The following PROC variants were observed in gnomAD, a reference collection of about 807,000 sequenced individuals.
The protein encoded by PROC is protein C, inactivator of coagulation factors Va and VIIIa.
In PROC, 22 loss-of-function variants were observed where a neutral mutation model predicts 36.3. The ratio of observed to expected loss-of-function variants is 0.61; its 90% CI spans 0.43 to 0.86. The LOEUF is 0.86. Ranked by LOEUF, PROC falls within the 40% of genes least tolerant of loss-of-function variation. The pLI, the probability that PROC is intolerant of heterozygous loss-of-function variation, is 0.00. For missense variants in PROC, 526 were observed against 629.7 expected (o/e 0.84, Z 1.76); for synonymous variants, 218 against 244.5 (o/e 0.89, Z 1.01).
rs773415635 is a variant in PROC at position 127,426,255 on chromosome 2, C to T, written c.678+28C>T. ...GGGAGGCGAGGCAGCACCGGCTGCTCACGTGCTGGGTCCGGGATCACTGAG... is the reference window on the plus strand; with the variant it reads ...GGGAGGCGAGGCAGCACCGGCTGCTTACGTGCTGGGTCCGGGATCACTGAG... On this transcript the variant is annotated intron_variant, in intron 7 of 8. Coordinates refer to ENST00000234071, the MANE Select transcript of PROC (RefSeq NM_000312.4). The surrounding 1 kb of genome is among the most constrained non-coding windows in gnomAD (Gnocchi z 7.0). 3.1e-6 allele frequency: 5 copies of T among 1,613,582 alleles called. No individual in the cohort carries two copies. Among genetic ancestry groups the T allele is most frequent in the Admixed American group, 1.7e-5 (1 of 60,006 alleles).
intron 8 of PROC, among the ~76,000 whole-genome samples, chr2:127,427,907 C>A (rs1688627301): frequency 1.3e-5 from 2 of 152,202 alleles, no homozygotes; most frequent in South Asian, 4.1e-4. Flanking sequence ...GGACCCGGCC[C>A]TGTCCTCCCT....
At position 127,428,989 on chromosome 2, in the gene PROC, G is replaced by A. The variant is rs577754626; in HGVS notation, c.*43G>A. ...CTGGGCTTTTGCATGGCAATGGATG[G>A]GACATTAAAGGGACATGTAACAAGC... On this transcript the variant is annotated 3_prime_UTR_variant, in exon 9 of 9. Coordinates refer to ENST00000234071, the MANE Select transcript of PROC (RefSeq NM_000312.4). 1 of 1,596,836 alleles carries A rather than the reference G, an allele frequency of 6.3e-7. No homozygotes were observed. Among genetic ancestry groups the A allele is most frequent in the South Asian group, 1.1e-5 (1 of 90,674 alleles).
intron 6 of PROC, among the ~76,000 whole-genome samples, chr2:127,425,525 CCTT>C (rs372302611): frequency 2.4e-4 from 36 of 152,334 alleles, no homozygotes; most frequent in African/African-American, 8.4e-4. Flanking sequence ...ATGCTCACCT[CCTT>C]CTCCCTGTAA....
rs190313939 is a variant in PROC, at chr2:127,425,047, C to A, written c.536-1038C>A. Among the ~76,000 whole-genome samples the A allele has an allele frequency of 3.3e-5, 5 of 152,348 alleles. No homozygotes were observed. The East Asian group carries it at 9.7e-4, about 29-fold the overall frequency. On this transcript the variant is annotated intron_variant, in intron 6 of 8. Coordinates refer to ENST00000234071, the MANE Select transcript of PROC (RefSeq NM_000312.4). ...GGCCTGAAGTCCCTAGTCAGAGCCT[C>A]TGGTTCACCTTCTGCAGGCAGGGAG...
At chr2:127,419,072 T>G (rs1277620735) in intron 1 of PROC, among the ~76,000 whole-genome samples, 1 of 152,136 alleles carries the variant, frequency 6.6e-6, no homozygotes, top group Non-Finnish European at 1.5e-5. Flanking sequence ...GCCTCAGTCT[T>G]CCGAGTCTGG....
Position 127,421,920 on chromosome 2 carries a change from CTG to C in PROC, c.237+475_237+476del, listed in dbSNP as rs910614863. Among the ~76,000 whole-genome samples the C allele has an allele frequency of 8.3e-4, 126 of 152,356 alleles. 1 individual carries two copies. Among genetic ancestry groups the C allele is most frequent in the African/African-American group, 3.0e-3 (123 of 41,580 alleles). On this transcript the variant is annotated intron_variant, in intron 3 of 8. Transcript: ENST00000234071. ...TGTTCAGGGGGTCGGAAGACAGGGT[CTG>C]TGTCCTATTTGTCTAAGGGTCAGAG...
At position 127,418,498 on chromosome 2, in the gene PROC, T is replaced by A. The variant is rs1334535173; in HGVS notation, c.-22+6T>A. On this transcript the variant is annotated splice_donor_region_variant and intron_variant, in intron 1 of 8. Transcript: ENST00000234071. The surrounding 1 kb of genome is among the most constrained non-coding windows in gnomAD (Gnocchi z 4.8). ...TATCTCCACGACCCGCCCCTGTGAG[T>A]CCCCCTCCAGGCAGGTCTATGAGGG... The A allele has an allele frequency of 2.3e-6, 3 of 1,289,304 alleles. No individual in the cohort carries two copies. The highest frequency in any genetic ancestry group is 3.0e-6 in the Non-Finnish European group (3 of 988,730). The allele number at this position is 1,289,304 out of a possible 1,614,324, so 79.9% of individuals were successfully genotyped here.
At chr2:127,428,272 G>A in intron 8 of PROC, 85 bp from the exon 9 acceptor site, 1 of 1,335,876 alleles carries the variant, frequency 7.5e-7, no homozygotes, top group Non-Finnish European at 1.1e-6. Flanking sequence ...GGCCTGCAGG[G>A]GCACAGCAGT....
chr2:127,423,093 C>G lies in PROC; in HGVS notation c.322C>G (p.His108Asp), dbSNP rs200234655. Residue 108 changes from histidine (H) to aspartate (D), a missense_variant, in exon 5 of 9, where the codon CAC becomes GAC. Coordinates refer to ENST00000234071, the MANE Select transcript of PROC (RefSeq NM_000312.4). Reference protein sequence around the residue: ...EHPCASLCCGHGTCIDGIGSF... With the variant: ...EHPCASLCCGDGTCIDGIGSF... ...CCCGTGCGCCAGCCTGTGCTGCGGG[C>G]ACGGCACGTGCATCGACGGCATCGG... is the stretch of plus-strand genomic sequence containing the variant. 1 of 1,611,398 alleles carries G rather than the reference C, an allele frequency of 6.2e-7. No individual in the cohort carries two copies. Among genetic ancestry groups the G allele is most frequent in the South Asian group, 1.1e-5 (1 of 90,976 alleles).
rs1687898766 is a variant in PROC, at chr2:127,418,614, G to A, written c.-22+122G>A. 2 of 920,822 alleles carry A rather than the reference G, an allele frequency of 2.2e-6. No homozygotes were observed. The highest frequency in any genetic ancestry group is 3.0e-6 in the Non-Finnish European group (2 of 662,334). The allele number at this position is 920,822 out of a possible 1,614,324, so 57.0% of individuals were successfully genotyped here. On this transcript the variant is annotated intron_variant, in intron 1 of 8. Coordinates refer to ENST00000234071, the MANE Select transcript of PROC (RefSeq NM_000312.4). This position sits in a 1 kb window ranked among gnomAD's most constrained non-coding sequence, Gnocchi z 4.8. ...CAGGGTGCTCAACAAGCCTGAGCTT[G>A]GGGTGAAAGGACACAAGGCCCTCCA... is the stretch of plus-strand genomic sequence containing the variant.
At position 127,423,377 on chromosome 2, in the gene PROC, G is replaced by C. The variant is rs1228701732; in HGVS notation, c.504G>C (p.Leu168=). 1 of 1,550,548 alleles carries C rather than the reference G, an allele frequency of 6.4e-7. No homozygotes were observed. Among genetic ancestry groups the C allele is most frequent in the Non-Finnish European group, 8.7e-7 (1 of 1,147,266 alleles). The change falls in exon 6 of 9, where the codon CTG becomes CTC. Residue 168 remains leucine, a synonymous_variant. Transcript: ENST00000234071. ...RRCSCAPGYK[L]GDDLLQCHPA... is the part of the protein sequence containing the mutation. ...GTAGCTGTGCGCCTGGCTACAAGCT[G>C]GGGGACGACCTCCTGCAGTGTCACC...
At chr2:127,422,370 T>C (rs1688150869) in intron 3 of PROC, among the ~76,000 whole-genome samples, 1 of 152,238 alleles carries the variant, frequency 6.6e-6, no homozygotes, top group Admixed American at 6.5e-5. Flanking sequence ...GCCTCTCTGA[T>C]GGAGCAGGCA....
In PROC at chr2:127,428,980, C is replaced by T; in HGVS notation, c.*34C>T. ...CCTGCAGGGCTGGGCTTTTGCATGG[C>T]AATGGATGGGACATTAAAGGGACAT... On this transcript the variant is annotated 3_prime_UTR_variant, in exon 9 of 9. Transcript: ENST00000234071. 1.2e-6 allele frequency: 2 copies of T among 1,605,902 alleles called. No homozygotes were observed. Among genetic ancestry groups the T allele is most frequent in the Non-Finnish European group, 1.7e-6 (2 of 1,173,036 alleles).
In PROC at chr2:127,419,749, G is replaced by A. The variant is rs566679434; in HGVS notation, c.-21-173G>A. The A allele has an allele frequency of 4.7e-5, 68 of 1,435,936 alleles. No homozygotes were observed. In the South Asian group the frequency reaches 7.8e-4, roughly 17 times the overall value. The allele number at this position is 1,435,936 out of a possible 1,614,324, so 88.9% of individuals were successfully genotyped here. A position where few individuals can be genotyped will look rare whatever the true frequency, so the allele number is the denominator to read the frequency against. The stretch of plus-strand genomic sequence containing the variant: ...GTGTGAGCTCAGCCCCACGTAGAGC[G>A]GGCAGCCGAGGCCTTCTGAGGCTAT... On this transcript the variant is annotated intron_variant, in intron 1 of 8. Transcript: ENST00000234071.
rs148979279 is a variant in PROC at position 127,419,818 on chromosome 2, C to G, written c.-21-104C>G. 3.6e-5 allele frequency: 57 copies of G among 1,585,796 alleles called. 2 individuals are homozygous for G. In the South Asian group the frequency reaches 6.1e-4, roughly 17 times the overall value. Reference sequence around the variant, plus strand: ...CCCTCAATCCCAGCTTCCGCCCTGACGGCCAGCACACAGGGACAGCCCTTT... The same window carrying G: ...CCCTCAATCCCAGCTTCCGCCCTGAGGGCCAGCACACAGGGACAGCCCTTT... On this transcript the variant is annotated intron_variant, in intron 1 of 8. Transcript: ENST00000234071.
At position 127,421,170 on chromosome 2, in the gene PROC, C is replaced by T. The variant is rs150848560; in HGVS notation, c.71-113C>T. 4.9e-4 allele frequency: 540 copies of T among 1,094,252 alleles called. 3 individuals are homozygous for T. In the African/African-American group the frequency reaches 7.3e-3, roughly 15 times the overall value. The allele number at this position is 1,094,252 out of a possible 1,614,324, so 67.8% of individuals were successfully genotyped here. ...AGAATTAGAATGAGTCTTGAGGGGG[C>T]GGAGACAAGACCTTCCCAGGCTCTC... On this transcript the variant is annotated intron_variant, in intron 2 of 8. Coordinates refer to ENST00000234071, the MANE Select transcript of PROC (RefSeq NM_000312.4).
In PROC at chr2:127,428,921, C is replaced by T. The variant is rs1331120970; in HGVS notation, c.1361C>T (p.Ala454Val). Residue 454 changes from alanine to valine, a missense_variant, in exon 9 of 9, where the codon GCC becomes GTC. Coordinates refer to ENST00000234071, the MANE Select transcript of PROC (RefSeq NM_000312.4). ...WIHGHIRDKE[A>V]PQKSWAP The stretch of plus-strand genomic sequence containing the variant: ...CATGGGCACATCAGAGACAAGGAAG[C>T]CCCCCAGAAGAGCTGGGCACCTTAG... The T allele has an allele frequency of 5.6e-6, 9 of 1,613,940 alleles. No individual in the cohort carries two copies. The highest frequency in any genetic ancestry group is 7.6e-6 in the Non-Finnish European group (9 of 1,180,026).
Position 127,421,383 on chromosome 2 carries a change from G to A in PROC, c.171G>A (p.Arg57=). The A allele has an allele frequency of 6.2e-7, 1 of 1,613,940 alleles. No homozygotes were observed. Among genetic ancestry groups the A allele is most frequent in the African/African-American group, 1.3e-5 (1 of 75,072 alleles). Reference sequence around the variant, plus strand: ...AGCTCCGTCACAGCAGCCTGGAGCGGGAGTGCATAGAGGAGATCTGTGACT... The same window carrying A: ...AGCTCCGTCACAGCAGCCTGGAGCGAGAGTGCATAGAGGAGATCTGTGACT... ...LEELRHSSLE[R]ECIEEICDFE... The change falls in exon 3 of 9, where the codon CGG becomes CGA. Residue 57 remains arginine, a synonymous_variant. Coordinates refer to ENST00000234071, the MANE Select transcript of PROC (RefSeq NM_000312.4).
intron 6 of PROC, among the ~76,000 whole-genome samples, chr2:127,424,324 C>G (rs987049959): frequency 6.6e-6 from 1 of 152,112 alleles, no homozygotes; most frequent in Non-Finnish European, 1.5e-5. Flanking sequence ...CGCAGCCTCC[C>G]GAGTAGCTGG....
Sources: allele counts gnomAD v4.1 joint callset (sites outside exome capture counted in the v4.1 genomes callset), GRCh38; gene constraint gnomAD v4.1.1; non-coding constraint Gnocchi (gnomAD v3.1); transcripts MANE v1.5; gene names NCBI Gene and HGNC (gene_info 2026-07-23, HGNC 2026-07-21).